Variants in SEMA4D observed in about 807,000 individuals in gnomAD.
SEMA4D encodes the protein semaphorin 4D.
In SEMA4D, 22 loss-of-function variants were observed where a neutral mutation model predicts 74.8. The ratio of observed to expected loss-of-function variants is 0.29; its 90% CI spans 0.21 to 0.42. SEMA4D has a LOEUF of 0.42. Among genes scored for constraint, SEMA4D ranks in the 10% least tolerant of loss-of-function variants. SEMA4D has a pLI of 1.00. For missense variants in SEMA4D, 937 were observed against 1,118.4 expected (o/e 0.84, Z 2.31); for synonymous variants, 445 against 463.7 (o/e 0.96, Z 0.52).
rs577721791 is a variant in SEMA4D at position 89,464,771 on chromosome 9, T to G, written c.-309-8818A>C. Among the ~76,000 whole-genome samples the G allele has an allele frequency of 2.0e-5, 3 of 152,196 alleles. No individual in the cohort carries two copies. The South Asian group carries it at 6.2e-4, about 32-fold the overall frequency. On this transcript the variant is annotated intron_variant, in intron 1 of 15. Transcript: ENST00000422704. ...GGGTCCATTAGGAAATGGGCAGGGTTGCAGGGGTCCCCCGCCTCCTGGAGA... is the reference window on the plus strand; with the variant it reads ...GGGTCCATTAGGAAATGGGCAGGGTGGCAGGGGTCCCCCGCCTCCTGGAGA...
chr9:89,405,174 C>T (rs1185667012), intron 3 of SEMA4D, among the ~76,000 whole-genome samples, 177 bp downstream of exon 3: 2 of 149,448 alleles, frequency 1.3e-5, no homozygotes, highest in African/African-American at 4.9e-5. Context: ...CCCATCCCGT[C>T]CTCAGCCACT....
rs1454715357 is a variant in SEMA4D, at chr9:89,363,310, G to T, written c.2190+120C>A. 13 of 1,435,366 alleles carry T rather than the reference G, an allele frequency of 9.1e-6. No individual in the cohort carries two copies. The Admixed American group carries it at 2.5e-4, about 28-fold the overall frequency. 88.9% of individuals were successfully genotyped at this position (1,435,366 alleles called of 1,614,324 possible). A position where few individuals can be genotyped will look rare whatever the true frequency, so the allele number is the denominator to read the frequency against. On this transcript the variant is annotated intron_variant, in intron 18 of 18. Coordinates refer to the SEMA4D transcript ENST00000339861. ...GATTTCATAAAGGAAACTGCTCCGG[G>T]GCTAAGAGGGAACAAGTGGGGTCCA... is the stretch of plus-strand genomic sequence containing the variant.
chr9:89,385,915 G>A, intron 13 of SEMA4D: 1 of 947,190 alleles, frequency 1.1e-6, no homozygotes, highest in Middle Eastern at 5.5e-4. Flanking sequence ...TTGCAGGCCA[G>A]ACCAGAGTCT....
At chr9:89,385,865 T>TTGGGGGGGGGGGGGGG in intron 13 of SEMA4D, 4 of 213,330 alleles carry the variant, frequency 1.9e-5, no homozygotes, top group South Asian at 1.8e-4. Context: ...CCAGCGTGGA[T>TTGGGGGGGGGGGGGGG]GCCCGCCCAC....
At chr9:89,408,903 G>A (rs1843895475) in intron 2 of SEMA4D, among the ~76,000 whole-genome samples, 1 of 152,216 alleles carries the variant, frequency 6.6e-6, no homozygotes, top group Admixed American at 6.5e-5. Flanking sequence ...CCCCAGCTGG[G>A]CAAAGGTCCA....
downstream of SEMA4D, among the ~76,000 whole-genome samples, chr9:89,372,363 TG>T (rs1835215406): frequency 9.7e-6 from 1 of 102,740 alleles, no homozygotes; most frequent in Non-Finnish European, 2.0e-5. Flanking sequence ...GGTGTGTGTC[TG>T]GGATGTGGTG....
intron 13 of SEMA4D, 183 bp downstream of exon 13, chr9:89,386,176 TGCCTTCCC>T (rs1224490003): frequency 1.4e-6 from 1 of 725,294 alleles, no homozygotes; most frequent in East Asian, 1.3e-4. Context: ...TCTGCCTTCC[TGCCTTCCC>T]CAATTCAGAT....
intron 1 of SEMA4D, among the ~76,000 whole-genome samples, chr9:89,477,836 A>T (rs1204158180): frequency 2.0e-5 from 3 of 152,244 alleles, no homozygotes; most frequent in African/African-American, 7.2e-5. Flanking sequence ...CTTCCTGTTC[A>T]CACTAAATAT....
chr9:89,384,159 G>A (rs959664094), intron 13 of SEMA4D, among the ~76,000 whole-genome samples: 3 of 152,230 alleles, frequency 2.0e-5, no homozygotes, highest in Non-Finnish European at 4.4e-5. Context: ...CCCAAGGAAT[G>A]GAAAGCAAGG....
intron 7 of SEMA4D, 128 bp downstream of exon 7, chr9:89,393,434 G>A: frequency 1.4e-6 from 1 of 735,936 alleles, no homozygotes; most frequent in Non-Finnish European, 2.3e-6. Context: ...TGTGCCTTTT[G>A]TAAGGATAGC....
chr9:89,430,670 T>C (rs1849079761), intron 2 of SEMA4D, among the ~76,000 whole-genome samples: 1 of 152,222 alleles, frequency 6.6e-6, no homozygotes, highest in Non-Finnish European at 1.5e-5. Flanking sequence ...TAAAAATCTG[T>C]CATCCAAATA....
At chr9:89,490,573 C>CG (rs1437003761) in intron 1 of SEMA4D, among the ~76,000 whole-genome samples, 7 of 152,126 alleles carry the variant, frequency 4.6e-5, no homozygotes, top group Admixed American at 2.6e-4. Context: ...CTCTGCCCAA[C>CG]GGTAGGCTAA....
intron 2 of SEMA4D, among the ~76,000 whole-genome samples, chr9:89,434,799 G>GCTGC (rs1850035261): frequency 6.6e-6 from 1 of 152,184 alleles, no homozygotes; most frequent in African/African-American, 2.4e-5. Context: ...TGCAGCCATG[G>GCTGC]ACCTTTGAGT....
At chr9:89,476,938 C>T (rs36092849) in intron 1 of SEMA4D, among the ~76,000 whole-genome samples, 26,102 of 152,024 alleles carry the variant, frequency 0.17, 2,954 homozygotes, top group Non-Finnish European at 0.25. Context: ...ATAGGAGAGC[C>T]GACATATCTG....
At position 89,391,325 on chromosome 9, in the gene SEMA4D, A is replaced by G. The variant is rs1409128566; in HGVS notation, c.713T>C (p.Val238Ala). The change falls in exon 9 of 16, where the codon GTG (valine) becomes GCG (alanine). Residue 238 changes from valine (V) to alanine (A), a missense_variant. Coordinates refer to ENST00000422704, the MANE Select transcript of SEMA4D (RefSeq NM_001371194.2). ...GAACACAAACTCATACTCCACAGACACCTCCGTGAAGAAGAAGTAGACCCT... is the reference window on the plus strand; with the variant it reads ...GAACACAAACTCATACTCCACAGACGCCTCCGTGAAGAAGAAGTAGACCCT... ...DDRVYFFFTE[V>A]SVEYEFVFRV... 1 of 1,613,818 alleles carries G rather than the reference A, an allele frequency of 6.2e-7. No individual in the cohort carries two copies. Among genetic ancestry groups the G allele is most frequent in the Non-Finnish European group, 8.5e-7 (1 of 1,179,994 alleles).
chr9:89,411,917 C>G (rs1171062799), intron 2 of SEMA4D, among the ~76,000 whole-genome samples: 1 of 152,230 alleles, frequency 6.6e-6, no homozygotes, highest in Non-Finnish European at 1.5e-5. Context: ...ATGTGGCCAG[C>G]CTCTTCCACT....
intron 4 of SEMA4D, among the ~76,000 whole-genome samples, chr9:89,400,638 A>G (rs1341584807): frequency 6.6e-6 from 1 of 152,234 alleles, no homozygotes; most frequent in Non-Finnish European, 1.5e-5. Flanking sequence ...AGTCTCATTT[A>G]AAATAGCCAC....
At chr9:89,473,798 T>C (rs1048961252) in intron 1 of SEMA4D, among the ~76,000 whole-genome samples, 1 of 151,600 alleles carries the variant, frequency 6.6e-6, no homozygotes, top group African/African-American at 2.4e-5. Context: ...GAGGTTGCAG[T>C]GAGCTGAGAC....
chr9:89,466,256 A>T (rs1224097362), intron 1 of SEMA4D, among the ~76,000 whole-genome samples: 1 of 152,192 alleles, frequency 6.6e-6, no homozygotes, highest in Non-Finnish European at 1.5e-5. Flanking sequence ...TGTACAAAAA[A>T]TAGGGTGATC....
Sources: gnomAD v4.1 joint callset for allele counts (sites outside exome capture counted in the v4.1 genomes callset) on GRCh38, gnomAD v4.1.1 for gene constraint, MANE v1.5 for transcripts, NCBI Gene and HGNC (gene_info 2026-07-23, HGNC 2026-07-21) for gene names.